The following CDH23 variants were observed in gnomAD, a reference collection of about 807,000 sequenced individuals.
CDH23 encodes the protein cadherin-23.
In CDH23, 189 loss-of-function variants were observed where a neutral mutation model predicts 317.1. The ratio of observed to expected loss-of-function variants is 0.60; its 90% confidence interval spans 0.53 to 0.67. The LOEUF (loss-of-function observed/expected upper bound fraction) is 0.67, where lower values mean the gene tolerates loss of function less well. CDH23 is among the 30% of genes least tolerant of loss of function. The pLI is 0.00. For synonymous variants in CDH23, 1,839 were observed against 1,876.8 expected (o/e 0.98, Z 0.52); for missense variants, 4,401 against 4,592.4 (o/e 0.96, Z 1.20).
At chr10:71,463,281 C>T (rs1851095166) in intron 3 of CDH23, among the ~76,000 whole-genome samples, 1 of 152,172 alleles carries the variant, frequency 6.6e-6, no homozygotes, top group South Asian at 2.1e-4. Context: ...GCCTGGTACC[C>T]TCATTTGGTG....
At chr10:71,645,765 C>A in intron 12 of CDH23, 66 bp from the exon 13 acceptor site, 1 of 1,576,400 alleles carries the variant, frequency 6.3e-7, no homozygotes, top group Non-Finnish European at 8.7e-7. Context: ...CTCTGCTCCT[C>A]CATTTGGGTC....
In CDH23 at chr10:71,803,437, G is replaced by T; in HGVS notation, c.7872+17G>T. 6.4e-7 allele frequency: 1 copy of T among 1,563,680 alleles called. No individual in the cohort carries two copies. The highest frequency in any genetic ancestry group is 8.7e-7 in the Non-Finnish European group (1 of 1,153,570). On this transcript the variant is annotated intron_variant, in intron 55 of 69. Coordinates refer to ENST00000224721, the MANE Select transcript of CDH23 (RefSeq NM_022124.6). ...ATCAGAGAGGTACTCCTGCCCCGAG[G>T]GCCTCCTGCCCACCAGTATTTCCTT...
rs572887395 is a variant in CDH23 at position 71,522,668 on chromosome 10, A to G, written c.429+11456A>G. On this transcript the variant is annotated intron_variant, in intron 6 of 69. Coordinates refer to ENST00000224721, the MANE Select transcript of CDH23 (RefSeq NM_022124.6). ...CCAGGGGGAGCTAACCCCTGTGGTC[A>G]TTACCTTGAGACACTCTCTCCCTTG... 3.9e-5 allele frequency among the ~76,000 whole-genome samples: 6 copies of G among 152,238 alleles called. No individual in the cohort carries two copies. In the South Asian group the frequency reaches 6.2e-4, roughly 16 times the overall value.
chr10:71,664,106 G>A (rs918786560), intron 14 of CDH23, among the ~76,000 whole-genome samples: 2 of 151,990 alleles, frequency 1.3e-5, no homozygotes, highest in Non-Finnish European at 2.9e-5. Flanking sequence ...TCTGAGGGGA[G>A]CCCAACACCC....
At chr10:71,511,085 G>A (rs748097303) in intron 5 of CDH23, 35 bp from the exon 6 acceptor site, 36 of 1,611,768 alleles carry the variant, frequency 2.2e-5, no homozygotes, top group Non-Finnish European at 3.0e-5. Flanking sequence ...CCAGAGTCAG[G>A]TGGCGGCGCT....
intron 1 of CDH23, among the ~76,000 whole-genome samples, chr10:71,435,030 C>A (rs1461856257): frequency 6.6e-6 from 1 of 152,216 alleles, no homozygotes; most frequent in Non-Finnish European, 1.5e-5. Flanking sequence ...TGCCCAGAGA[C>A]TTCCTATCAG....
At chr10:71,801,574 C>G (rs1218458551) in intron 53 of CDH23, among the ~76,000 whole-genome samples, 1 of 152,186 alleles carries the variant, frequency 6.6e-6, no homozygotes, top group East Asian at 1.9e-4. Context: ...ATCCCCTTTT[C>G]TATGCAAAGT....
At chr10:71,612,292 G>C (rs1057020435) in intron 9 of CDH23, among the ~76,000 whole-genome samples, 3 of 152,008 alleles carry the variant, frequency 2.0e-5, no homozygotes, top group African/African-American at 7.2e-5. Flanking sequence ...TGGACTGTGT[G>C]GGGGGTACTT....
intron 3 of CDH23, among the ~76,000 whole-genome samples, chr10:71,489,957 G>T (rs951607308): frequency 2.0e-4 from 30 of 151,882 alleles, no homozygotes; most frequent in African/African-American, 6.3e-4. Context: ...TGGCTTGTGT[G>T]GGGGTATGAA....
Position 71,734,655 on chromosome 10 carries a change from G to C in CDH23, c.4207-1G>C, listed in dbSNP as rs1589384720. On this transcript the variant is annotated splice_acceptor_variant, in intron 33 of 69. Transcript: ENST00000224721. LOFTEE classifies it high-confidence loss of function. ...CCTCCTGCTGCTGCCTCTGCCTACAGAAGGTGAGTAGCCTGTGGCTGGAGC... is the reference window on the plus strand; with the variant it reads ...CCTCCTGCTGCTGCCTCTGCCTACACAAGGTGAGTAGCCTGTGGCTGGAGC... The C allele has an allele frequency of 6.8e-7, 1 of 1,465,370 alleles. No homozygotes were observed. The highest frequency in any genetic ancestry group is 9.2e-7 in the Non-Finnish European group (1 of 1,083,206). 90.8% of individuals were successfully genotyped at this position (1,465,370 alleles called of 1,614,324 possible).
chr10:71,441,328 A>T (rs1849868887), intron 2 of CDH23, among the ~76,000 whole-genome samples: 1 of 151,964 alleles, frequency 6.6e-6, no homozygotes, highest in African/African-American at 2.4e-5. Flanking sequence ...GCACGGTGGG[A>T]GTCAGGACAC....
intron 6 of CDH23, among the ~76,000 whole-genome samples, chr10:71,534,237 G>A (rs1458259825): frequency 1.3e-5 from 2 of 152,092 alleles, no homozygotes; most frequent in Non-Finnish European, 2.9e-5. Flanking sequence ...CATCATCTCG[G>A]GCTGAATCTG....
intron 9 of CDH23, among the ~76,000 whole-genome samples, chr10:71,584,001 G>C (rs1042979751): frequency 6.6e-6 from 1 of 152,078 alleles, no homozygotes; most frequent in Admixed American, 6.5e-5. Flanking sequence ...AGAAATGCAA[G>C]GTTTTGCATC....
Position 71,809,949 on chromosome 10 carries a change from T to C in CDH23, c.8852T>C (p.Leu2951Pro), listed in dbSNP as rs1034991623. Reference protein sequence around the residue: ...NDTAIIGIYILRDDQRVKIVI... With the variant: ...NDTAIIGIYIPRDDQRVKIVI... ...ACGGCCATCATCGGCATCTACATCC[T>C]GAGGGACGACCAGCGCGTCAAGATC... The change falls in exon 61 of 70, where the codon CTG becomes CCG. Residue 2951 changes from leucine to proline, a missense_variant. Leu to Pro is a moderately conservative substitution (Grantham distance 98, BLOSUM62 -3). This residue lies in a region of CDH23 where 1,144 missense variants were observed against 1,138.2 expected (regional missense o/e 1.01). Transcript: ENST00000224721. 3 of 1,612,444 alleles carry C rather than the reference T, an allele frequency of 1.9e-6. No individual in the cohort carries two copies. The highest frequency in any genetic ancestry group is 1.6e-4 in the Middle Eastern group (1 of 6,084).
intron 28 of CDH23, among the ~76,000 whole-genome samples, chr10:71,720,173 G>T (rs1389376611): frequency 6.6e-6 from 1 of 152,178 alleles, no homozygotes; most frequent in Non-Finnish European, 1.5e-5. Context: ...GAGAGTGCTG[G>T]TCCCTGGCAG....
At chr10:71,810,901 A>C (rs1841895308) in intron 62 of CDH23, among the ~76,000 whole-genome samples, 1 of 152,058 alleles carries the variant, frequency 6.6e-6, no homozygotes, top group Non-Finnish European at 1.5e-5. Context: ...ACCAACATGG[A>C]GAAACCTCGT....
intron 3 of CDH23, among the ~76,000 whole-genome samples, chr10:71,461,480 A>G (rs1031260813): frequency 3.9e-5 from 6 of 152,248 alleles, no homozygotes; most frequent in Non-Finnish European, 8.8e-5. Flanking sequence ...GGAGACACAC[A>G]GGGACAGCAG....
rs149357524 is a variant in CDH23 at position 71,606,306 on chromosome 10, G to C, written c.833-9198G>C. Among the ~76,000 whole-genome samples the C allele has an allele frequency of 1.4e-4, 21 of 152,376 alleles. No homozygotes were observed. In the East Asian group the frequency reaches 4.0e-3, roughly 29 times the overall value. On this transcript the variant is annotated intron_variant, in intron 9 of 69. Coordinates refer to ENST00000224721, the MANE Select transcript of CDH23 (RefSeq NM_022124.6). ...AAGTTTGTCTTACCCTGACTGGACA[G>C]TAATAACTAATTAACTGAGATGGCT...
At chr10:71,689,182 T>TCAGGGATGGTGGAGC (rs1865087034) in intron 19 of CDH23, among the ~76,000 whole-genome samples, 4 of 27,450 alleles carry the variant, frequency 1.5e-4, no homozygotes, top group African/African-American at 4.6e-4. Context: ...GGTGGTAGAG[T>TCAGGGATGGTGGAGC]CAGGGGTGGT....
Sources: gnomAD v4.1 joint callset for allele counts (sites outside exome capture counted in the v4.1 genomes callset) on GRCh38, gnomAD v4.1.1 for gene constraint, gnomAD v4.1.1 regional missense constraint, MANE v1.5 for transcripts, NCBI Gene and HGNC (gene_info 2026-07-23, HGNC 2026-07-21) for gene names.